The following UBA5 variants were observed in gnomAD, a reference collection of about 807,000 sequenced individuals.
The protein encoded by UBA5 is ubiquitin-like modifier-activating enzyme 5.
A neutral mutation model predicts 52.9 loss-of-function variants in UBA5; 28 were observed. That is an observed-to-expected ratio of 0.53 (90% CI 0.39 to 0.73). UBA5 has a LOEUF of 0.73. UBA5 is among the 30% of genes least tolerant of loss of function. The pLI is 0.00. For missense variants in UBA5, 388 were observed against 492.7 expected, an observed-to-expected ratio of 0.79 and a Z score of 2.01; for synonymous variants, 135 against 162.1, an observed-to-expected ratio of 0.83 and a Z score of 1.27.
chr3:132,656,320 G>A (rs1937798619), upstream of UBA5, among the ~76,000 whole-genome samples: 1 of 152,088 alleles, frequency 6.6e-6, no homozygotes, highest in East Asian at 1.9e-4. Context: ...TGTAGTACAA[G>A]AAAAGTCTCA....
chr3:132,665,798 A>T, intron 1 of UBA5, 25 bp from the exon 2 acceptor site: 1 of 1,610,162 alleles, frequency 6.2e-7, no homozygotes, highest in Non-Finnish European at 8.5e-7. Context: ...TGTAAGCTTT[A>T]AAACATATTT....
At position 132,678,808 on chromosome 3, in the gene UBA5, C is replaced by T. The variant is rs573256124; in HGVS notation, c.*2282C>T. 6.6e-6 allele frequency among the ~76,000 whole-genome samples: 1 copy of T among 152,014 alleles called. No homozygotes were observed. The highest frequency in any genetic ancestry group is 2.4e-5 in the African/African-American group (1 of 41,500). ...GGGATTACAGGTGCCCGCCACCACG[C>T]ATGGCTAATTTTTGTATTTTTAGTA... is the stretch of plus-strand genomic sequence containing the variant. On this transcript the variant is annotated 3_prime_UTR_variant, in exon 12 of 12. Coordinates refer to ENST00000356232, the MANE Select transcript of UBA5 (RefSeq NM_024818.6).
chr3:132,660,221 C>T (rs2168435), upstream of UBA5: 80,070 of 500,882 alleles, frequency 0.16, 10,653 homozygotes, highest in East Asian at 0.59. This position sits in a 1 kb window ranked among gnomAD's most constrained non-coding sequence, Gnocchi z 4.1. Context: ...TGGCCTCCTG[C>T]CCTGGACACT....
In UBA5 at chr3:132,676,590, A is replaced by AT; in HGVS notation, c.*68dup. Reference sequence around the variant, plus strand: ...CCTCTTCCCTTGAAATTAAAAAAAAATTTTAACTGATAAAACTTAGGGCAA... The same window carrying AT: ...CCTCTTCCCTTGAAATTAAAAAAAAATTTTTAACTGATAAAACTTAGGGCAA... On this transcript the variant is annotated 3_prime_UTR_variant, in exon 12 of 12. Transcript: ENST00000356232. The surrounding 1 kb of genome is among the most constrained non-coding windows in gnomAD (Gnocchi z 4.1). 8.4e-7 allele frequency: 1 copy of AT among 1,188,038 alleles called. No homozygotes were observed. Among genetic ancestry groups the AT allele is most frequent in the South Asian group, 1.4e-5 (1 of 73,638 alleles). The allele number at this position is 1,188,038 out of a possible 1,614,324, so 73.6% of individuals were successfully genotyped here.
At chr3:132,670,078 C>A in intron 4 of UBA5, 120 bp from the exon 5 acceptor site, 1 of 598,586 alleles carries the variant, frequency 1.7e-6, no homozygotes, top group Non-Finnish European at 3.0e-6. Context: ...GGTTGGGGTG[C>A]AGTGGGTGCG....
chr3:132,670,310 T>C, intron 5 of UBA5, 26 bp downstream of exon 5: 1 of 974,016 alleles, frequency 1.0e-6, no homozygotes, highest in Non-Finnish European at 1.6e-6. Context: ...ATGAATATTT[T>C]GTATAATGTC....
At chr3:132,664,086 GA>G (rs1938276341) in intron 1 of UBA5, among the ~76,000 whole-genome samples, 1 of 152,058 alleles carries the variant, frequency 6.6e-6, no homozygotes, top group Non-Finnish European at 1.5e-5. Flanking sequence ...GATAGTCCAG[GA>G]AAAACAAACC....
intron 1 of UBA5, among the ~76,000 whole-genome samples, chr3:132,664,892 A>G (rs1276584130): frequency 6.6e-6 from 1 of 152,170 alleles, no homozygotes; most frequent in Non-Finnish European, 1.5e-5. Context: ...ATCTAGAGGA[A>G]CTTTAGATAA....
In UBA5 at chr3:132,676,988, T is replaced by C; in HGVS notation, c.*462T>C. ...ATCTGCTCATTATGTTTGGAATTGC[T>C]TTCTATAAGAAAATTGCCCACTACT... On this transcript the variant is annotated 3_prime_UTR_variant, in exon 12 of 12. Coordinates refer to ENST00000356232, the MANE Select transcript of UBA5 (RefSeq NM_024818.6). The surrounding 1 kb of genome is among the most constrained non-coding windows in gnomAD (Gnocchi z 4.1). 2 of 378,788 alleles carry C rather than the reference T, an allele frequency of 5.3e-6. No homozygotes were observed. The highest frequency in any genetic ancestry group is 1.1e-5 in the Non-Finnish European group (2 of 185,736). The allele number at this position is 378,788 out of a possible 1,614,324, so 23.5% of individuals were successfully genotyped here.
rs1206978626 is a variant in UBA5 at position 132,679,010 on chromosome 3, C to T, written c.*2484C>T. On this transcript the variant is annotated 3_prime_UTR_variant, in exon 12 of 12. Coordinates refer to ENST00000356232, the MANE Select transcript of UBA5 (RefSeq NM_024818.6). ...TCACATTTTTTTCATATTTCCCTTT[C>T]TGTAATCTCAGCACTTTGGGAGGCT... Among the ~76,000 whole-genome samples the T allele has an allele frequency of 1.3e-5, 2 of 151,846 alleles. No homozygotes were observed. Among genetic ancestry groups the T allele is most frequent in the African/African-American group, 4.8e-5 (2 of 41,324 alleles).
intron 1 of UBA5, among the ~76,000 whole-genome samples, chr3:132,661,364 G>C (rs1189692944): frequency 6.6e-6 from 1 of 152,144 alleles, no homozygotes; most frequent in Non-Finnish European, 1.5e-5. Flanking sequence ...CTTCTCACCT[G>C]TACAATGAAG....
In UBA5 at chr3:132,665,846, T is replaced by C; in HGVS notation, c.185T>C (p.Met62Thr). Reference sequence around the variant, plus strand: ...AGCCGCTTGATGGCATTGAAACGAATGGGAATTGTAAGCGACTATGAGGTA... The same window carrying C: ...AGCCGCTTGATGGCATTGAAACGAACGGGAATTGTAAGCGACTATGAGGTA... ...PYSRLMALKR[M>T]GIVSDYEKIR... Residue 62 changes from methionine to threonine, a missense_variant, in exon 2 of 12, where the codon ATG (methionine) becomes ACG (threonine). Around this residue, in one of 3 missense-constraint regions of UBA5, gnomAD observed 95 missense variants for 107.0 expected, o/e 0.89. Coordinates refer to ENST00000356232, the MANE Select transcript of UBA5 (RefSeq NM_024818.6). 1 of 1,613,470 alleles carries C rather than the reference T, an allele frequency of 6.2e-7. No homozygotes were observed. Among genetic ancestry groups the C allele is most frequent in the Non-Finnish European group, 8.5e-7 (1 of 1,179,480 alleles).
rs1458463920 is a variant in UBA5, at chr3:132,679,755, AAAT to A, written c.*3233_*3235del. On this transcript the variant is annotated 3_prime_UTR_variant, in exon 12 of 12. Transcript: ENST00000356232. ...TATGTATTAAATGACTTGTACCACT[AAAT>A]AATCAAATTCTAAGCTCTAACAGCT... 6.6e-6 allele frequency among the ~76,000 whole-genome samples: 1 copy of A among 152,328 alleles called. No individual in the cohort carries two copies. Among genetic ancestry groups the A allele is most frequent in the East Asian group, 1.9e-4 (1 of 5,182 alleles).
At chr3:132,670,088 G>A (rs747201898) in intron 4 of UBA5, 110 bp from the exon 5 acceptor site, 64 of 621,700 alleles carry the variant, frequency 1.0e-4, no homozygotes, top group Non-Finnish European at 1.6e-4. Context: ...CAGTGGGTGC[G>A]ATGATAGCTC....
chr3:132,665,772 C>G, intron 1 of UBA5, 51 bp from the exon 2 acceptor site: 1 of 1,531,966 alleles, frequency 6.5e-7, no homozygotes, highest in Non-Finnish European at 9.0e-7. Flanking sequence ...ATTTGTATTA[C>G]TAATACCTAA....
chr3:132,671,032 C>A lies in UBA5; in HGVS notation c.562C>A (p.Arg188=). ...VLSCVDNFEA[R]MTINTACNEL... is the part of the protein sequence containing the mutation. ...TAGCTGTGTGGACAATTTTGAAGCT[C>A]GAATGACAATAAATACAGTGAGTAT... Residue 188 remains arginine (R), a synonymous_variant, in exon 6 of 12, where the codon CGA becomes AGA. Transcript: ENST00000356232. The A allele has an allele frequency of 6.2e-7, 1 of 1,612,930 alleles. No individual in the cohort carries two copies. The highest frequency in any genetic ancestry group is 8.5e-7 in the Non-Finnish European group (1 of 1,179,300).
chr3:132,656,063 G>A (rs1363467473), upstream of UBA5, among the ~76,000 whole-genome samples: 1 of 152,056 alleles, frequency 6.6e-6, no homozygotes, highest in East Asian at 1.9e-4. Context: ...CTACCATTCT[G>A]AATTTTATAT....
chr3:132,665,399 C>T (rs1239987176), intron 1 of UBA5, among the ~76,000 whole-genome samples: 1 of 152,064 alleles, frequency 6.6e-6, no homozygotes, highest in Non-Finnish European at 1.5e-5. Flanking sequence ...TAAAAGTATA[C>T]ATCATCTATT....
intron 1 of UBA5, among the ~76,000 whole-genome samples, chr3:132,662,576 G>C (rs1189317982): frequency 6.6e-6 from 1 of 152,192 alleles, no homozygotes; most frequent in Non-Finnish European, 1.5e-5. Flanking sequence ...GGATATGTAT[G>C]TGTTCAACAC....
Sources: allele counts gnomAD v4.1 joint callset (sites outside exome capture counted in the v4.1 genomes callset), GRCh38; gene constraint gnomAD v4.1.1; regional missense constraint gnomAD v4.1.1; non-coding constraint Gnocchi (gnomAD v3.1); transcripts MANE v1.5; gene names NCBI Gene and HGNC (gene_info 2026-07-23, HGNC 2026-07-21).